Variants in PPP1R9A observed in about 807,000 individuals in gnomAD.
PPP1R9A encodes the protein protein phosphatase 1 regulatory subunit 9A.
In PPP1R9A, 59 loss-of-function variants were observed where a neutral mutation model predicts 141.9. The observed-to-expected ratio is 0.42, with a 90% CI of 0.34 to 0.52. The LOEUF (loss-of-function observed/expected upper bound fraction) is 0.52, where lower values mean the gene tolerates loss of function less well. Ranked by LOEUF, PPP1R9A falls within the 20% of genes least tolerant of loss-of-function variation. The probability of loss-of-function intolerance (pLI) is 0.10; values close to 1 mark genes in which losing one functional copy is unlikely to be tolerated. For missense variants in PPP1R9A, 1,444 were observed against 1,611.9 expected (o/e 0.90, Z 1.78); for synonymous variants, 500 against 569.7 (o/e 0.88, Z 1.74).
intron 8 of PPP1R9A, among the ~76,000 whole-genome samples, chr7:95,245,431 C>G (rs1279008090): frequency 6.6e-6 from 1 of 152,082 alleles, no homozygotes; most frequent in African/African-American, 2.4e-5. Flanking sequence ...AGGAAAAGAC[C>G]AGGTTGGCTG....
At chr7:94,979,660 AT>A (rs1799856847) in intron 2 of PPP1R9A, among the ~76,000 whole-genome samples, 1 of 152,188 alleles carries the variant, frequency 6.6e-6, no homozygotes, top group South Asian at 2.1e-4. Flanking sequence ...AAGTGTCATT[AT>A]TACCTCTTAA....
At chr7:95,052,449 G>C (rs933857749) in intron 2 of PPP1R9A, among the ~76,000 whole-genome samples, 1 of 152,118 alleles carries the variant, frequency 6.6e-6, no homozygotes, top group African/African-American at 2.4e-5. Context: ...GTTAAGAATC[G>C]TACCCAGGTT....
In PPP1R9A at chr7:95,296,021, T is replaced by G. The variant is rs2116257676; in HGVS notation, c.*5718T>G. ...TGTAAGAAGTTGATTTCTTTTCAGC[T>G]TTCTTTGTATATCAGTAAAGAACAC... On this transcript the variant is annotated 3_prime_UTR_variant, in exon 20 of 20. Transcript: ENST00000433360. 1 of 152,798 alleles carries G rather than the reference T, an allele frequency of 6.5e-6. No homozygotes were observed. Among genetic ancestry groups the G allele is most frequent in the Non-Finnish European group, 1.5e-5 (1 of 68,036 alleles). 9.5% of individuals were successfully genotyped at this position (152,798 alleles called of 1,614,324 possible).
chr7:95,059,126 A>G (rs895652898), intron 2 of PPP1R9A, among the ~76,000 whole-genome samples: 2 of 152,270 alleles, frequency 1.3e-5, no homozygotes, highest in East Asian at 1.9e-4. Flanking sequence ...TTATTCATGT[A>G]TCACCTCCAT....
At chr7:95,132,964 TGCTCCTGCTGCCTGCAGAGTGGCA>T (rs1563285678) in intron 4 of PPP1R9A, among the ~76,000 whole-genome samples, 1 of 152,168 alleles carries the variant, frequency 6.6e-6, no homozygotes, top group Non-Finnish European at 1.5e-5. Flanking sequence ...ACAGATCGTT[TGCTCCTGCTGCCTGCAGAGTGGCA>T]AATTCTGGGT....
intron 7 of PPP1R9A, among the ~76,000 whole-genome samples, chr7:95,209,441 T>G (rs985968019): frequency 6.6e-6 from 1 of 152,128 alleles, no homozygotes; most frequent in Non-Finnish European, 1.5e-5. Context: ...AGCGGTTACA[T>G]GCAATCAGTA....
At chr7:94,976,918 T>A (rs943306682) in intron 2 of PPP1R9A, among the ~76,000 whole-genome samples, 12 of 152,090 alleles carry the variant, frequency 7.9e-5, no homozygotes, top group African/African-American at 2.9e-4. Context: ...TTGCTGGGGA[T>A]CTAGAGAATA....
intron 2 of PPP1R9A, among the ~76,000 whole-genome samples, chr7:94,974,005 C>G (rs897878303): frequency 1.4e-4 from 21 of 152,160 alleles, no homozygotes; most frequent in African/African-American, 5.1e-4. Flanking sequence ...GCATGAGCCA[C>G]TATGCCTGAC....
intron 2 of PPP1R9A, among the ~76,000 whole-genome samples, chr7:95,038,525 C>G (rs1399464157): frequency 6.6e-6 from 1 of 151,992 alleles, no homozygotes; most frequent in African/African-American, 2.4e-5. Context: ...TAAAATGTAC[C>G]CAGAGCCTTT....
At chr7:95,148,688 C>CAA (rs80065854) in intron 4 of PPP1R9A, among the ~76,000 whole-genome samples, 2,022 of 69,720 alleles carry the variant, frequency 0.029, 56 homozygotes, top group African/African-American at 0.073. Flanking sequence ...TCTAAAAATA[C>CAA]AAAAAAAAAA....
intron 7 of PPP1R9A, among the ~76,000 whole-genome samples, chr7:95,216,287 A>G (rs1224931268): frequency 6.6e-6 from 1 of 152,052 alleles, no homozygotes; most frequent in African/African-American, 2.4e-5. Context: ...GATGTGTGGT[A>G]TTATTTCTGA....
At chr7:95,131,367 T>C (rs189305313) in intron 4 of PPP1R9A, among the ~76,000 whole-genome samples, 13 of 152,314 alleles carry the variant, frequency 8.5e-5, no homozygotes, top group African/African-American at 3.1e-4. Flanking sequence ...GAACTGTAAG[T>C]CCAATAAACC....
intron 5 of PPP1R9A, among the ~76,000 whole-genome samples, chr7:95,169,340 T>A (rs1173757415): frequency 2.0e-5 from 3 of 151,788 alleles, no homozygotes; most frequent in Non-Finnish European, 4.4e-5. Context: ...AAAATGTTGA[T>A]CTTATAGAGG....
chr7:95,198,679 T>C (rs1425836155), intron 6 of PPP1R9A, among the ~76,000 whole-genome samples, 195 bp downstream of exon 6: 1 of 152,228 alleles, frequency 6.6e-6, no homozygotes, highest in Non-Finnish European at 1.5e-5. Context: ...GTATCCTGTT[T>C]ACAGTATGAA....
intron 8 of PPP1R9A, among the ~76,000 whole-genome samples, chr7:95,241,023 G>A (rs1320924532): frequency 6.6e-6 from 1 of 152,092 alleles, no homozygotes; most frequent in East Asian, 1.9e-4. Context: ...ATATTTAGGT[G>A]CCTCGTGTCC....
intron 4 of PPP1R9A, among the ~76,000 whole-genome samples, chr7:95,122,562 G>A (rs1822835465): frequency 6.6e-6 from 1 of 152,124 alleles, no homozygotes; most frequent in South Asian, 2.1e-4. Context: ...TTTTCCATGA[G>A]GTTAGGGATA....
intron 2 of PPP1R9A, among the ~76,000 whole-genome samples, chr7:94,913,550 A>G (rs886492456): frequency 6.6e-6 from 1 of 152,168 alleles, no homozygotes; most frequent in Non-Finnish European, 1.5e-5. Context: ...GAGTGGATTA[A>G]GTTTGCAAAC....
chr7:95,132,418 T>A (rs942484172), intron 4 of PPP1R9A, among the ~76,000 whole-genome samples: 1 of 152,204 alleles, frequency 6.6e-6, no homozygotes, highest in Non-Finnish European at 1.5e-5. Context: ...TTATCTAAAA[T>A]TTTTCCCTGT....
intron 2 of PPP1R9A, among the ~76,000 whole-genome samples, chr7:95,088,152 G>A (rs923730895): frequency 2.0e-5 from 3 of 152,012 alleles, no homozygotes; most frequent in Non-Finnish European, 4.4e-5. Flanking sequence ...TTTAATCAGA[G>A]TAGAATCCTA....
Sources: gnomAD v4.1 joint callset for allele counts (sites outside exome capture counted in the v4.1 genomes callset) on GRCh38, gnomAD v4.1.1 for gene constraint, MANE v1.5 for transcripts, NCBI Gene and HGNC (gene_info 2026-07-23, HGNC 2026-07-21) for gene names.